CYTH1: variants seen among roughly 807,000 people sequenced by gnomAD.
The protein encoded by CYTH1 is cytohesin-1.
CYTH1 carries 18 observed loss-of-function variants against 61.8 expected under a neutral mutation model. That is an observed-to-expected ratio of 0.29 (90% CI 0.20 to 0.43). CYTH1 has a LOEUF of 0.43. Among genes scored for constraint, CYTH1 ranks in the 20% least tolerant of loss-of-function variants. The pLI, the probability that CYTH1 is intolerant of heterozygous loss-of-function variation, is 1.00. For synonymous variants in CYTH1, 174 were observed against 184.3 expected, an observed-to-expected ratio of 0.94 and a Z score of 0.45; for missense variants, 336 against 510.5, an observed-to-expected ratio of 0.66 and a Z score of 3.29.
At chr17:78,692,565 C>T (rs2144179269) in intron 10 of CYTH1, 72 bp from the exon 11 acceptor site, 2 of 1,426,928 alleles carry the variant, frequency 1.4e-6, no homozygotes, top group East Asian at 2.3e-5. Flanking sequence ...ACACACACGA[C>T]ACCCTCTCTT....
rs370640857 is a variant in CYTH1 at position 78,756,977 on chromosome 17, TTC to T, written c.22+25223_22+25224del. ...GCGGAATTTCAAGGTTTGAATTTTTTTCTTTTTTTTCTTTTTTTTTTTTTTTT... is the reference window on the plus strand; with the variant it reads ...GCGGAATTTCAAGGTTTGAATTTTTTTTTTTTTTCTTTTTTTTTTTTTTTT... On this transcript the variant is annotated intron_variant, in intron 1 of 13. Transcript: ENST00000446868. 7.4e-3 allele frequency among the ~76,000 whole-genome samples: 1,108 copies of T among 149,686 alleles called. 23 individuals are homozygous for T. The East Asian group carries it at 0.075, about 10-fold the overall frequency.
intron 1 of CYTH1, among the ~76,000 whole-genome samples, chr17:78,770,684 G>T (rs1473533603): frequency 6.6e-6 from 1 of 152,272 alleles, no homozygotes; most frequent in Admixed American, 6.5e-5. Flanking sequence ...GGGATTACAG[G>T]TGTGAGCCAC....
intron 1 of CYTH1, among the ~76,000 whole-genome samples, chr17:78,767,360 G>C (rs1368593300): frequency 1.3e-5 from 2 of 152,120 alleles, no homozygotes; most frequent in Non-Finnish European, 2.9e-5. Flanking sequence ...AGTGAAAGCT[G>C]AAAGTCCCCA....
intron 13 of CYTH1, chr17:78,677,279 G>A (rs1047005259): frequency 2.8e-6 from 1 of 361,864 alleles, no homozygotes; most frequent in African/African-American, 2.1e-5. Flanking sequence ...ACCCTTTCGG[G>A]TAAGCTGGGG....
chr17:78,692,520 C>T (rs758923238), intron 10 of CYTH1, 27 bp from the exon 11 acceptor site: 62 of 1,610,644 alleles, frequency 3.8e-5, no homozygotes, highest in Admixed American at 2.2e-4. Context: ...GATGCACGTT[C>T]GACAAGAGAC....
intron 1 of CYTH1, among the ~76,000 whole-genome samples, chr17:78,780,834 C>G (rs2093513991): frequency 6.6e-6 from 1 of 152,096 alleles, no homozygotes; most frequent in Non-Finnish European, 1.5e-5. Flanking sequence ...TGGCAAAACC[C>G]TGTCTCTACT....
intron 1 of CYTH1, among the ~76,000 whole-genome samples, chr17:78,720,852 G>A (rs2093222348): frequency 6.6e-6 from 1 of 152,180 alleles, no homozygotes; most frequent in African/African-American, 2.4e-5. Flanking sequence ...TCCAGCCTGG[G>A]CGACAGAGAA....
Position 78,675,765 on chromosome 17 carries a change from A to G in CYTH1, c.*326T>C. 1 of 899,894 alleles carries G rather than the reference A, an allele frequency of 1.1e-6. No individual in the cohort carries two copies. Among genetic ancestry groups the G allele is most frequent in the Non-Finnish European group, 1.6e-6 (1 of 622,832 alleles). The allele number at this position is 899,894 out of a possible 1,614,324, so 55.7% of individuals were successfully genotyped here. ...AGGCTTCTTCACGGGGACAACCAAG[A>G]GGTAAACAGTTGGCTCTGAGCTCTG... On this transcript the variant is annotated 3_prime_UTR_variant, in exon 14 of 14. Transcript: ENST00000446868.
chr17:78,778,609 G>C lies in CYTH1; in HGVS notation c.22+3593C>G, dbSNP rs1334441446. 5.5e-5 allele frequency among the ~76,000 whole-genome samples: 7 copies of C among 126,556 alleles called. No individual in the cohort carries two copies. In the East Asian group the frequency reaches 1.6e-3, roughly 30 times the overall value. 83.0% of individuals were successfully genotyped at this position (126,556 alleles called of 152,430 possible). A position where few individuals can be genotyped will look rare whatever the true frequency, so the allele number is the denominator to read the frequency against. On this transcript the variant is annotated intron_variant, in intron 1 of 13. Transcript: ENST00000446868. ...ACCAAGATTGCGTCACTGCATTCCA[G>C]CCTGGGCAACACAGTGAGACTCCAT...
rs934011391 is a variant in CYTH1 at position 78,702,580 on chromosome 17, C to T, written c.195G>A (p.Gln65=). 1 of 1,614,166 alleles carries T rather than the reference C, an allele frequency of 6.2e-7. No individual in the cohort carries two copies. The highest frequency in any genetic ancestry group is 8.5e-7 in the Non-Finnish European group (1 of 1,180,032). Residue 65 remains glutamine, a synonymous_variant, in exon 4 of 14, where the codon CAG becomes CAA. Coordinates refer to ENST00000446868, the MANE Select transcript of CYTH1 (RefSeq NM_004762.6). ...TAAATTTTTTCCTGCCCATGGCTACCTGTTTGTTCCTCTGCATGTTTTTCC... is the reference window on the plus strand; with the variant it reads ...TAAATTTTTTCCTGCCCATGGCTACTTGTTTGTTCCTCTGCATGTTTTTCC... ...EERKNMQRNK[Q]VAMGRKKFNM...
chr17:78,752,814 T>G (rs2093385621), intron 1 of CYTH1, among the ~76,000 whole-genome samples: 1 of 152,222 alleles, frequency 6.6e-6, no homozygotes, highest in African/African-American at 2.4e-5. Flanking sequence ...TATCACAATG[T>G]GATTATACAG....
chr17:78,739,773 C>T (rs1001048712), intron 1 of CYTH1, among the ~76,000 whole-genome samples: 2 of 152,062 alleles, frequency 1.3e-5, no homozygotes, highest in East Asian at 1.9e-4. Context: ...CCAGGTGAGA[C>T]GGGTTGGCGG....
chr17:78,765,560 C>T (rs1398857416), intron 1 of CYTH1, among the ~76,000 whole-genome samples: 2 of 152,042 alleles, frequency 1.3e-5, no homozygotes, highest in African/African-American at 2.4e-5. Flanking sequence ...ATTCAGAAGT[C>T]CAAGAGGGTT....
intron 3 of CYTH1, among the ~76,000 whole-genome samples, chr17:78,702,914 T>C (rs1054210253): frequency 6.6e-6 from 1 of 151,976 alleles, no homozygotes; most frequent in Non-Finnish European, 1.5e-5. Context: ...CTCTGCCTCC[T>C]GGGCTCAAGT....
intron 1 of CYTH1, among the ~76,000 whole-genome samples, chr17:78,741,722 CCAG>C (rs1452381416): frequency 2.6e-5 from 4 of 152,114 alleles, no homozygotes; most frequent in African/African-American, 9.7e-5. Flanking sequence ...GCCTCAGTTA[CCAG>C]CAGGAGAGAA....
intron 1 of CYTH1, among the ~76,000 whole-genome samples, chr17:78,730,951 ACCGCGCT>A (rs1598891239): frequency 1.3e-5 from 2 of 152,250 alleles, no homozygotes; most frequent in Admixed American, 6.5e-5. Context: ...GGTGTGAGCC[ACCGCGCT>A]CGGCACGAAA....
intron 1 of CYTH1, among the ~76,000 whole-genome samples, chr17:78,733,272 C>T (rs1461236017): frequency 6.6e-6 from 1 of 152,058 alleles, no homozygotes; most frequent in Non-Finnish European, 1.5e-5. Context: ...TTTCTCATTT[C>T]CACTTTTTTA....
intron 1 of CYTH1, among the ~76,000 whole-genome samples, chr17:78,748,877 T>C (rs2093368978): frequency 6.6e-6 from 1 of 152,108 alleles, no homozygotes; most frequent in South Asian, 2.1e-4. Context: ...CAAGACCAAA[T>C]GTTACAAGTT....
intron 10 of CYTH1, among the ~76,000 whole-genome samples, chr17:78,693,042 T>A (rs1004564619): frequency 2.0e-5 from 3 of 152,168 alleles, no homozygotes; most frequent in African/African-American, 7.2e-5. Context: ...TTCACCTTCA[T>A]GATTACAGTG....
Sources: gnomAD v4.1 joint callset for allele counts (sites outside exome capture counted in the v4.1 genomes callset) on GRCh38, gnomAD v4.1.1 for gene constraint, MANE v1.5 for transcripts, NCBI Gene and HGNC (gene_info 2026-07-23, HGNC 2026-07-21) for gene names.